The following DOCK7 variants were observed in gnomAD, a reference collection of about 807,000 sequenced individuals.
DOCK7 encodes dedicator of cytokinesis protein 7.
A neutral mutation model predicts 271.0 loss-of-function variants in DOCK7; 138 were observed. That is an observed-to-expected ratio of 0.51 (90% CI 0.44 to 0.59). The LOEUF (loss-of-function observed/expected upper bound fraction) is 0.59. Among genes scored for constraint, DOCK7 ranks in the 20% least tolerant of loss-of-function variants. The pLI is 0.00. For missense variants in DOCK7, 2,066 were observed against 2,592.4 expected (o/e 0.80, Z 4.41); for synonymous variants, 823 against 876.1 (o/e 0.94, Z 1.07).
intron 11 of DOCK7, among the ~76,000 whole-genome samples, chr1:62,630,757 A>T (rs1197197015): frequency 6.6e-6 from 1 of 152,126 alleles, no homozygotes; most frequent in African/African-American, 2.4e-5. Flanking sequence ...TACAATTTAA[A>T]TTGGTGACTT....
chr1:62,576,692 T>C (rs1403946606), intron 18 of DOCK7, among the ~76,000 whole-genome samples: 1 of 152,226 alleles, frequency 6.6e-6, no homozygotes, highest in African/African-American at 2.4e-5. Flanking sequence ...CAAGAGGAAC[T>C]TTGGTTTATG....
At chr1:62,531,997 G>A (rs1645188776) in intron 29 of DOCK7, among the ~76,000 whole-genome samples, 1 of 152,164 alleles carries the variant, frequency 6.6e-6, no homozygotes, top group South Asian at 2.1e-4. Flanking sequence ...GTGCCTTGTA[G>A]AAACTAAAAC....
intron 1 of DOCK7, among the ~76,000 whole-genome samples, chr1:62,675,553 C>A (rs1043276800): frequency 2.6e-5 from 4 of 152,068 alleles, no homozygotes; most frequent in African/African-American, 7.2e-5. Flanking sequence ...GAGGCCGAGG[C>A]GGGCGGATCA....
chr1:62,648,481 T>C lies in DOCK7; in HGVS notation c.453A>G (p.Lys151=). 6.5e-7 allele frequency: 1 copy of C among 1,531,242 alleles called. No homozygotes were observed. The allele number at this position is 1,531,242 out of a possible 1,614,324, so 94.9% of individuals were successfully genotyped here. A position where few individuals can be genotyped will look rare whatever the true frequency, so the allele number is the denominator to read the frequency against. The change falls in exon 5 of 50, where the codon AAA becomes AAG. Residue 151 remains lysine (K), a synonymous_variant. Transcript: ENST00000635253. ...ATTCAAAAACTTGTTTTGGCAAACC[T>C]TTTTGCCTTTCTTTCTGTTTATCTA... ...NTLDKQKERQ[K]GLPKQVFESD...
At chr1:62,469,418 T>C (rs2149247910) in intron 48 of DOCK7, among the ~76,000 whole-genome samples, 1 of 152,224 alleles carries the variant, frequency 6.6e-6, no homozygotes, top group East Asian at 1.9e-4. Flanking sequence ...ACAAATCAAC[T>C]CAAGATGGAT....
At chr1:62,458,970 A>G (rs1211230147) in intron 48 of DOCK7, 2 of 152,244 alleles carry the variant, frequency 1.3e-5, no homozygotes, top group Non-Finnish European at 2.9e-5. Context: ...GAATGCCACT[A>G]AAGTGATGCT....
At chr1:62,534,397 C>G (rs376038781) in intron 29 of DOCK7, among the ~76,000 whole-genome samples, 6 of 151,896 alleles carry the variant, frequency 4.0e-5, no homozygotes, top group African/African-American at 7.3e-5. Flanking sequence ...GCTGATCACT[C>G]GAGGCCAGGA....
intron 39 of DOCK7, 41 bp from the exon 40 acceptor site, chr1:62,494,508 C>T: frequency 1.3e-6 from 2 of 1,554,456 alleles, no homozygotes. Flanking sequence ...TATGTGCTTC[C>T]CAAGCTGGGA....
intron 48 of DOCK7, among the ~76,000 whole-genome samples, chr1:62,466,438 T>C (rs1367204052): frequency 6.6e-6 from 1 of 152,224 alleles, no homozygotes; most frequent in East Asian, 1.9e-4. Context: ...TAAAAGCTTC[T>C]GGTTGAACAA....
rs115402545 is a variant in DOCK7 at position 62,562,356 on chromosome 1, C to T, written c.2113-653G>A. Among the ~76,000 whole-genome samples the T allele has an allele frequency of 4.6e-3, 691 of 151,468 alleles. 5 individuals are homozygous for T. The highest frequency in any genetic ancestry group is 0.016 in the African/African-American group (665 of 41,288). ...AAAGGATTCTCCTGCCTCAGCCTCC[C>T]GAATAACTGGGACACGCCCAGCTAA... On this transcript the variant is annotated intron_variant, in intron 18 of 49. Coordinates refer to ENST00000635253, the MANE Select transcript of DOCK7 (RefSeq NM_001367561.1).
At chr1:62,522,680 A>G (rs1231084777) in intron 31 of DOCK7, among the ~76,000 whole-genome samples, 2 of 152,044 alleles carry the variant, frequency 1.3e-5, no homozygotes, top group African/African-American at 4.8e-5. Flanking sequence ...TAGCCAGTAC[A>G]ATAAATTACA....
At chr1:62,638,229 T>C (rs1221492222) in intron 7 of DOCK7, 1 of 152,208 alleles carries the variant, frequency 6.6e-6, no homozygotes, top group Non-Finnish European at 1.5e-5. Context: ...GCCAAGTATA[T>C]GTGTTGGAAA....
chr1:62,640,694 C>T (rs1412812832), intron 7 of DOCK7, among the ~76,000 whole-genome samples: 1 of 152,164 alleles, frequency 6.6e-6, no homozygotes, highest in African/African-American at 2.4e-5. Flanking sequence ...CAACAGCAAA[C>T]TCATGCTGTC....
intron 39 of DOCK7, 92 bp downstream of exon 39, chr1:62,495,489 C>A (rs1646593987): frequency 1.3e-6 from 1 of 756,962 alleles, no homozygotes. Flanking sequence ...AATCACAAAT[C>A]ATTTTTGTGT....
At chr1:62,618,104 A>G (rs1652684458) in intron 14 of DOCK7, among the ~76,000 whole-genome samples, 2 of 152,096 alleles carry the variant, frequency 1.3e-5, no homozygotes, top group South Asian at 4.1e-4. Context: ...CTCGGCATTC[A>G]CAAATAAAGG....
At chr1:62,504,806 C>T in intron 36 of DOCK7, 24 bp from the exon 37 acceptor site, 1 of 1,606,478 alleles carries the variant, frequency 6.2e-7, no homozygotes, top group Non-Finnish European at 8.5e-7. Context: ...AAACAAACCA[C>T]CACTGAATTT....
At chr1:62,459,536 AATTTC>A (rs1183065771) in intron 48 of DOCK7, among the ~76,000 whole-genome samples, 1 of 152,150 alleles carries the variant, frequency 6.6e-6, no homozygotes, top group Non-Finnish European at 1.5e-5. Context: ...AAAACTGTAC[AATTTC>A]ATACAAAAAA....
At chr1:62,660,920 G>A (rs546610607) in intron 2 of DOCK7, among the ~76,000 whole-genome samples, 2 of 152,204 alleles carry the variant, frequency 1.3e-5, no homozygotes, top group African/African-American at 2.4e-5. Flanking sequence ...GCAACATAGT[G>A]AGACCCTGTC....
intron 2 of DOCK7, 102 bp downstream of exon 2, chr1:62,662,923 G>A (rs1658835147): frequency 1.2e-6 from 1 of 843,172 alleles, no homozygotes. Context: ...AAGGTTATGA[G>A]ACTAATGACG....
Sources: gnomAD v4.1 joint callset for allele counts (sites outside exome capture counted in the v4.1 genomes callset) on GRCh38, gnomAD v4.1.1 for gene constraint, MANE v1.5 for transcripts, NCBI Gene and HGNC (gene_info 2026-07-23, HGNC 2026-07-21) for gene names.